Variants in RARB observed in about 807,000 individuals in gnomAD.
RARB encodes the protein HBV-activated protein.
RARB carries 17 observed loss-of-function variants against 51.9 expected under a neutral mutation model. The ratio of observed to expected loss-of-function variants is 0.33; its 90% CI spans 0.22 to 0.49. RARB has a LOEUF of 0.49. RARB is among the 20% of genes least tolerant of loss of function. The pLI, the probability that RARB is intolerant of heterozygous loss-of-function variation, is 0.99. For synonymous variants in RARB, 215 were observed against 195.4 expected (o/e 1.10, Z -0.84); for missense variants, 369 against 550.8 (o/e 0.67, Z 3.30).
intron 5 of RARB, among the ~76,000 whole-genome samples, chr3:25,315,335 A>C (rs1373337019): frequency 6.6e-6 from 1 of 152,204 alleles, no homozygotes; most frequent in Admixed American, 6.5e-5. Context: ...GCAAAGTACA[A>C]AAAGAAAGCA....
intron 1 of RARB, among the ~76,000 whole-genome samples, chr3:25,454,902 G>A (rs1219665947): frequency 6.6e-6 from 1 of 152,186 alleles, no homozygotes; most frequent in Non-Finnish European, 1.5e-5. Context: ...CCTCTTAACA[G>A]GCAGCAATGT....
At chr3:24,958,679 A>G (rs1162362130) in intron 2 of RARB, among the ~76,000 whole-genome samples, 1 of 152,206 alleles carries the variant, frequency 6.6e-6, no homozygotes, top group African/African-American at 2.4e-5. Flanking sequence ...TGTTTAATTA[A>G]ATAGAAGTTA....
At chr3:25,427,545 G>A (rs1033844156), upstream of RARB, among the ~76,000 whole-genome samples, 1 of 152,150 alleles carries the variant, frequency 6.6e-6, no homozygotes, top group Non-Finnish European at 1.5e-5. Context: ...TTTCTGTGTG[G>A]CTGTGTGTTT....
chr3:25,463,766 A>C (rs546634126), intron 2 of RARB, among the ~76,000 whole-genome samples: 1 of 152,110 alleles, frequency 6.6e-6, no homozygotes, highest in Non-Finnish European at 1.5e-5. Context: ...AAACATATGT[A>C]TTATGGTTTA....
At chr3:25,542,839 C>A (rs553263150) in intron 3 of RARB, among the ~76,000 whole-genome samples, 1 of 152,288 alleles carries the variant, frequency 6.6e-6, no homozygotes, top group Admixed American at 6.5e-5. Flanking sequence ...CTTACATAAT[C>A]CTTACAATAA....
At chr3:24,966,638 C>CTCTCTG (rs1553618447) in intron 2 of RARB, among the ~76,000 whole-genome samples, 130 of 150,576 alleles carry the variant, frequency 8.6e-4, no homozygotes, top group African/African-American at 3.1e-3. Context: ...CTCTCTCTCT[C>CTCTCTG]TCTCTCTGAA....
chr3:25,081,432 A>T (rs1305138286), intron 3 of RARB, among the ~76,000 whole-genome samples: 1 of 150,356 alleles, frequency 6.7e-6, no homozygotes, highest in Non-Finnish European at 1.5e-5. Flanking sequence ...TTTGGATCAA[A>T]TTGATTGATA....
chr3:25,170,201 GA>G (rs1700621589), intron 4 of RARB, among the ~76,000 whole-genome samples: 2 of 152,234 alleles, frequency 1.3e-5, no homozygotes, highest in African/African-American at 4.8e-5. Context: ...ATCATTTATG[GA>G]TTCTCTGTGG....
At chr3:25,446,944 G>C (rs560248912) in intron 1 of RARB, among the ~76,000 whole-genome samples, 1 of 150,936 alleles carries the variant, frequency 6.6e-6, no homozygotes, top group Non-Finnish European at 1.5e-5. Context: ...TTTCCTAACT[G>C]TGTGACCTTG....
chr3:25,067,814 A>G (rs1698691929), intron 3 of RARB, among the ~76,000 whole-genome samples: 1 of 152,088 alleles, frequency 6.6e-6, no homozygotes, highest in Admixed American at 6.6e-5. Flanking sequence ...GTTTTTGGCT[A>G]GAAACAAATT....
chr3:25,275,068 T>A (rs1359190908), intron 5 of RARB, among the ~76,000 whole-genome samples: 1 of 152,202 alleles, frequency 6.6e-6, no homozygotes, highest in Non-Finnish European at 1.5e-5. Context: ...CTTGGCCCCA[T>A]GCTCTTATGT....
At chr3:25,494,520 C>T (rs1041872816) in intron 2 of RARB, among the ~76,000 whole-genome samples, 1 of 152,170 alleles carries the variant, frequency 6.6e-6, no homozygotes, top group Non-Finnish European at 1.5e-5. Flanking sequence ...TCAGGCACTA[C>T]AGTGGATACT....
chr3:25,452,834 G>A (rs1230402263), intron 1 of RARB, among the ~76,000 whole-genome samples: 1 of 152,156 alleles, frequency 6.6e-6, no homozygotes, highest in East Asian at 1.9e-4. Context: ...TAAGCACTTT[G>A]CATGGTCCCT....
At chr3:25,204,538 T>C (rs1701480734) in intron 5 of RARB, among the ~76,000 whole-genome samples, 1 of 152,230 alleles carries the variant, frequency 6.6e-6, no homozygotes, top group Admixed American at 6.5e-5. Context: ...GCTCTGTTTT[T>C]TCCCCATCTG....
intron 2 of RARB, among the ~76,000 whole-genome samples, chr3:24,913,388 TTCTC>T (rs200133236): frequency 8.0e-5 from 11 of 137,612 alleles, no homozygotes; most frequent in Non-Finnish European, 1.2e-4. Context: ...ATAGTCTTCT[TTCTC>T]TCTCTCTCTC....
At chr3:25,223,272 C>T (rs1276721946) in intron 5 of RARB, among the ~76,000 whole-genome samples, 1 of 152,084 alleles carries the variant, frequency 6.6e-6, no homozygotes, top group Non-Finnish European at 1.5e-5. Context: ...CTTTTGACTT[C>T]TTTCATATGG....
At chr3:25,174,313 T>G in exon 5 of RARB, 1 of 1,172,648 alleles carries the variant, frequency 8.5e-7, no homozygotes, top group Non-Finnish European at 1.2e-6. Context: ...ACTCCTGCAG[T>G]GCATTTGCCT....
chr3:25,562,534 G>A (rs186387872), intron 3 of RARB, among the ~76,000 whole-genome samples: 22 of 152,266 alleles, frequency 1.4e-4, no homozygotes, highest in Middle Eastern at 6.8e-3. Flanking sequence ...AAGAAGCACC[G>A]CCGGGTATGA....
chr3:25,451,422 A>G (rs74717659), intron 1 of RARB, among the ~76,000 whole-genome samples: 1 of 152,210 alleles, frequency 6.6e-6, no homozygotes, highest in Non-Finnish European at 1.5e-5. Flanking sequence ...ATGCAGGCTC[A>G]TGGCATTTTC....
Sources: gnomAD v4.1 joint callset for allele counts (sites outside exome capture counted in the v4.1 genomes callset) on GRCh38, gnomAD v4.1.1 for gene constraint, MANE v1.5 for transcripts, NCBI Gene and HGNC (gene_info 2026-07-23, HGNC 2026-07-21) for gene names.